The following GPM6A variants were observed in gnomAD, a reference collection of about 807,000 sequenced individuals.
GPM6A encodes glycoprotein M6A.
GPM6A carries 7 observed loss-of-function variants against 32.1 expected under a neutral mutation model. The ratio of observed to expected loss-of-function variants is 0.22; its 90% CI spans 0.12 to 0.41. GPM6A has a LOEUF of 0.41. Ranked by LOEUF, GPM6A falls within the 10% of genes least tolerant of loss-of-function variation. The pLI is 1.00. For synonymous variants in GPM6A, 130 were observed against 123.4 expected (o/e 1.05, Z -0.35); for missense variants, 235 against 347.2 (o/e 0.68, Z 2.57).
chr4:175,787,535 A>G (rs1733849731), intron 1 of GPM6A: 1 of 1,431,772 alleles, frequency 7.0e-7, no homozygotes, highest in Non-Finnish European at 9.1e-7. Context: ...TTTCATCAGT[A>G]TCAACATCAC....
At chr4:175,684,343 A>T (rs746750138) in intron 2 of GPM6A, among the ~76,000 whole-genome samples, 2 of 152,204 alleles carry the variant, frequency 1.3e-5, no homozygotes, top group Non-Finnish European at 2.9e-5. Flanking sequence ...ATTACATCTC[A>T]TCTGGGATTT....
At chr4:175,986,514 G>A (rs1238844331) in intron 1 of GPM6A, among the ~76,000 whole-genome samples, 2 of 151,848 alleles carry the variant, frequency 1.3e-5, no homozygotes, top group Non-Finnish European at 2.9e-5. Flanking sequence ...TTGTGCCACT[G>A]CCACTCCAGC....
intron 1 of GPM6A, among the ~76,000 whole-genome samples, chr4:175,952,681 T>A (rs1739854025): frequency 6.6e-6 from 1 of 152,194 alleles, no homozygotes; most frequent in South Asian, 2.1e-4. Context: ...CAAAATCATA[T>A]AATAAAATAG....
At chr4:175,880,909 C>T (rs1196030821) in intron 1 of GPM6A, among the ~76,000 whole-genome samples, 4 of 152,136 alleles carry the variant, frequency 2.6e-5, no homozygotes, top group Admixed American at 6.6e-5. Flanking sequence ...CTGGCCAGAA[C>T]GTCCAACACT....
intron 1 of GPM6A, among the ~76,000 whole-genome samples, chr4:175,831,720 T>C (rs868200458): frequency 7.6e-6 from 1 of 130,874 alleles, no homozygotes; most frequent in Admixed American, 8.3e-5. Flanking sequence ...CATCTCTTTT[T>C]TTTTTTTTTT....
intron 1 of GPM6A, among the ~76,000 whole-genome samples, chr4:175,853,164 C>T (rs1736311737): frequency 6.6e-6 from 1 of 151,958 alleles, no homozygotes; most frequent in African/African-American, 2.4e-5. Context: ...AAATTTCAAA[C>T]CATTTTGGTT....
intron 1 of GPM6A, among the ~76,000 whole-genome samples, chr4:175,799,671 C>CTTTTTTTTTTTTTTTTTTT (rs374571140): frequency 1.6e-5 from 2 of 122,098 alleles, no homozygotes; most frequent in Admixed American, 9.0e-5. Flanking sequence ...CAAGTGTTTT[C>CTTTTTTTTTTTTTTTTTTT]TTTTTTTTTT....
At chr4:175,820,500 C>CTTTTTT (rs66569311) in intron 1 of GPM6A, among the ~76,000 whole-genome samples, 275 of 112,066 alleles carry the variant, frequency 2.5e-3, no homozygotes, top group East Asian at 3.9e-3. Flanking sequence ...TCTTTTCTTT[C>CTTTTTT]TTTTTTTTTT....
intron 1 of GPM6A, among the ~76,000 whole-genome samples, chr4:175,986,996 G>T (rs1740995490): frequency 6.6e-6 from 1 of 152,048 alleles, no homozygotes; most frequent in African/African-American, 2.4e-5. Flanking sequence ...AAGTTTTATG[G>T]ATTAGCTCTA....
intron 1 of GPM6A, among the ~76,000 whole-genome samples, chr4:175,944,171 G>C (rs1175659351): frequency 6.6e-6 from 1 of 152,110 alleles, no homozygotes; most frequent in Non-Finnish European, 1.5e-5. Flanking sequence ...ACAAGTAGCA[G>C]ACAATAATAG....
chr4:175,832,539 G>A (rs570529328), intron 1 of GPM6A, among the ~76,000 whole-genome samples: 1 of 152,038 alleles, frequency 6.6e-6, no homozygotes, highest in African/African-American at 2.4e-5. Context: ...CTACCCACAG[G>A]AGCTTAAAGT....
intron 1 of GPM6A, chr4:176,002,166 G>T: frequency 3.3e-6 from 3 of 920,248 alleles, no homozygotes; most frequent in Non-Finnish European, 5.2e-6. Flanking sequence ...CAAGAGGGCG[G>T]GGGGCGGGGG....
At chr4:175,787,653 T>G in intron 1 of GPM6A, 1 of 1,207,506 alleles carries the variant, frequency 8.3e-7, no homozygotes, top group Middle Eastern at 3.3e-4. Flanking sequence ...TAACTCTTCC[T>G]AGTCAGACAA....
chr4:175,998,900 T>C (rs1181439741), intron 1 of GPM6A, among the ~76,000 whole-genome samples: 1 of 12,514 alleles, frequency 8.0e-5, no homozygotes, highest in East Asian at 2.0e-3. Flanking sequence ...CATGACACCC[T>C]ACCTCCTATC....
intron 1 of GPM6A, among the ~76,000 whole-genome samples, chr4:175,917,240 T>C (rs780831523): frequency 4.1e-4 from 63 of 151,958 alleles, no homozygotes; most frequent in Non-Finnish European, 5.9e-5. Context: ...CCCTCCTCCC[T>C]CCACACAATC....
chr4:175,733,227 T>A (rs1257104251), intron 1 of GPM6A, among the ~76,000 whole-genome samples: 1 of 152,014 alleles, frequency 6.6e-6, no homozygotes, highest in African/African-American at 2.4e-5. Flanking sequence ...AACTTGGCAG[T>A]GTGCAGTGGC....
chr4:175,731,483 G>A (rs1261181803), intron 1 of GPM6A, among the ~76,000 whole-genome samples: 1 of 151,300 alleles, frequency 6.6e-6, no homozygotes, highest in South Asian at 2.1e-4. Context: ...AAGGAATGTC[G>A]CTCTCCACAA....
chr4:175,866,950 T>G (rs939041677), intron 1 of GPM6A, among the ~76,000 whole-genome samples: 1 of 152,238 alleles, frequency 6.6e-6, no homozygotes, highest in Non-Finnish European at 1.5e-5. Flanking sequence ...TTCCAGATTT[T>G]GGACATTCTA....
intron 1 of GPM6A, among the ~76,000 whole-genome samples, chr4:175,870,971 T>C (rs1384716624): frequency 6.6e-6 from 1 of 151,748 alleles, no homozygotes; most frequent in Non-Finnish European, 1.5e-5. Context: ...TGAGTACCTA[T>C]TATTATTATC....
Sources: allele counts gnomAD v4.1 joint callset (sites outside exome capture counted in the v4.1 genomes callset), GRCh38; gene constraint gnomAD v4.1.1; transcripts MANE v1.5; gene names NCBI Gene and HGNC (gene_info 2026-07-23, HGNC 2026-07-21).